The following FIG4 variants were observed in gnomAD, a reference collection of about 807,000 sequenced individuals.
FIG4 encodes FIG4 phosphoinositide 5-phosphatase.
Under a neutral mutation model 118.6 loss-of-function variants are expected in FIG4, and 112 were observed. The ratio of observed to expected loss-of-function variants is 0.94; its 90% CI spans 0.81 to 1.11. The LOEUF is 1.11. FIG4 is among the 50% of genes least tolerant of loss of function. The probability of loss-of-function intolerance (pLI) is 0.00; values close to 1 mark genes in which losing one functional copy is unlikely to be tolerated. For missense variants in FIG4, 969 were observed against 1,111.7 expected, an observed-to-expected ratio of 0.87 and a Z score of 1.83; for synonymous variants, 369 against 381.2, an observed-to-expected ratio of 0.97 and a Z score of 0.37.
chr6:109,796,822 TTC>T lies in FIG4; in HGVS notation c.2519_2520del (p.Ser840Ter), dbSNP rs1242743157. 5 of 1,609,066 alleles carry T rather than the reference TTC, an allele frequency of 3.1e-6. No homozygotes were observed. Among genetic ancestry groups the T allele is most frequent in the Non-Finnish European group, 4.3e-6 (5 of 1,175,452 alleles). On this transcript the variant is annotated frameshift_variant, in exon 22 of 23. Coordinates refer to ENST00000230124, the MANE Select transcript of FIG4 (RefSeq NM_014845.6). LOFTEE classifies it high-confidence loss of function. The stretch of plus-strand genomic sequence containing the variant: ...AAGACAAGAATAGCCAGCAGCCCTG[TTC>T]TAGGTGCTCAGATGGAGTTATAAAA... ...KQDKNSQQPC[S>X]RCSDGVIKLT...
intron 1 of FIG4, among the ~76,000 whole-genome samples, chr6:109,711,477 A>G (rs1775259316): frequency 6.6e-6 from 1 of 152,136 alleles, no homozygotes; most frequent in Non-Finnish European, 1.5e-5. Flanking sequence ...TAGGATAGTT[A>G]TATCTTCTTG....
intron 22 of FIG4, among the ~76,000 whole-genome samples, chr6:109,810,171 T>G (rs1006245880): frequency 6.6e-6 from 1 of 152,182 alleles, no homozygotes; most frequent in Middle Eastern, 3.2e-3. Flanking sequence ...ATGTATGGGC[T>G]GATGGTGATT....
chr6:109,813,175 A>G (rs1434102828), intron 22 of FIG4, among the ~76,000 whole-genome samples: 1 of 152,170 alleles, frequency 6.6e-6, no homozygotes, highest in African/African-American at 2.4e-5. Context: ...AAGCTTATCT[A>G]AAAGTTACCA....
intron 5 of FIG4, among the ~76,000 whole-genome samples, chr6:109,734,631 C>G (rs970838350): frequency 2.0e-5 from 3 of 151,928 alleles, no homozygotes; most frequent in African/African-American, 7.2e-5. Flanking sequence ...ATGCCTTTTA[C>G]TCTTCTAAAA....
At chr6:109,799,970 G>A (rs975947688) in intron 22 of FIG4, among the ~76,000 whole-genome samples, 1 of 152,092 alleles carries the variant, frequency 6.6e-6, no homozygotes, top group Non-Finnish European at 1.5e-5. Context: ...AACATTGACC[G>A]AACACACTGT....
chr6:109,783,852 A>G (rs1041549353), intron 16 of FIG4, among the ~76,000 whole-genome samples: 2 of 152,230 alleles, frequency 1.3e-5, no homozygotes, highest in Non-Finnish European at 2.9e-5. Flanking sequence ...ACTGCTGTAA[A>G]GCATAACTTC....
intron 10 of FIG4, among the ~76,000 whole-genome samples, chr6:109,753,713 T>C (rs1407828319): frequency 6.6e-6 from 1 of 152,104 alleles, no homozygotes. Flanking sequence ...CAATTGTGAA[T>C]GGGAGTTCAC....
chr6:109,721,055 A>G (rs1583647946), intron 3 of FIG4, among the ~76,000 whole-genome samples: 5 of 152,300 alleles, frequency 3.3e-5, no homozygotes, highest in Middle Eastern at 3.4e-3. Context: ...TTTTTCTGCC[A>G]CTGTCGTCTG....
intron 22 of FIG4, among the ~76,000 whole-genome samples, chr6:109,798,176 G>C (rs1336037564): frequency 6.6e-6 from 1 of 152,144 alleles, no homozygotes; most frequent in Non-Finnish European, 1.5e-5. Flanking sequence ...TACAGCAAAA[G>C]CCTTTTAGAG....
At chr6:109,821,488 A>G (rs1156378307) in intron 22 of FIG4, among the ~76,000 whole-genome samples, 1 of 152,260 alleles carries the variant, frequency 6.6e-6, no homozygotes, top group African/African-American at 2.4e-5. Context: ...AGGTTAAAAC[A>G]GAAACATACT....
chr6:109,696,353 T>C (rs534418645), intron 1 of FIG4, among the ~76,000 whole-genome samples: 32 of 152,350 alleles, frequency 2.1e-4, no homozygotes, highest in Admixed American at 1.8e-3. Context: ...AGCTTTTTTA[T>C]AATACGCATT....
chr6:109,762,326 C>T (rs1777136982), intron 12 of FIG4, 119 bp downstream of exon 12: 1 of 705,224 alleles, frequency 1.4e-6, no homozygotes, highest in South Asian at 1.5e-5. Context: ...GGGAGGCACA[C>T]TGCTCACATG....
At chr6:109,796,021 A>G (rs1228093337) in intron 21 of FIG4, among the ~76,000 whole-genome samples, 2 of 152,214 alleles carry the variant, frequency 1.3e-5, no homozygotes, top group African/African-American at 4.8e-5. Flanking sequence ...TCCAGCAGAT[A>G]TGCACTCCAG....
chr6:109,790,202 T>C (rs1778099457), intron 19 of FIG4, among the ~76,000 whole-genome samples: 2 of 152,322 alleles, frequency 1.3e-5, no homozygotes, highest in Middle Eastern at 3.4e-3. Context: ...TCCCTTCCAC[T>C]GACCTGCCTA....
At chr6:109,766,939 G>A in intron 15 of FIG4, 44 bp downstream of exon 15, 2 of 1,533,150 alleles carry the variant, frequency 1.3e-6, no homozygotes, top group East Asian at 2.2e-5. Flanking sequence ...ACTCTGAAGT[G>A]CATTTTTTGT....
Position 109,722,348 on chromosome 6 carries a change from CT to C in FIG4, c.290-4758del, listed in dbSNP as rs1775637081. Among the ~76,000 whole-genome samples the C allele has an allele frequency of 3.3e-5, 5 of 152,056 alleles. No individual in the cohort carries two copies. In the South Asian group the frequency reaches 1.0e-3, roughly 31 times the overall value. ...ATGGCCGATAAGATTCTTGAGGCAT[CT>C]TTCCATTATAGATTTCAGCTCATTC... On this transcript the variant is annotated intron_variant, in intron 3 of 22. Coordinates refer to ENST00000230124, the MANE Select transcript of FIG4 (RefSeq NM_014845.6).
At position 109,792,662 on chromosome 6, in the gene FIG4, A is replaced by T; in HGVS notation, c.2457A>T (p.Ser819=). The T allele has an allele frequency of 6.6e-7, 1 of 1,520,856 alleles. No individual in the cohort carries two copies. Among genetic ancestry groups the T allele is most frequent in the Non-Finnish European group, 9.1e-7 (1 of 1,095,604 alleles). The allele number at this position is 1,520,856 out of a possible 1,614,324, so 94.2% of individuals were successfully genotyped here. A position where few individuals can be genotyped will look rare whatever the true frequency, so the allele number is the denominator to read the frequency against. Residue 819 remains serine (S), a splice_region_variant and synonymous_variant, in exon 21 of 23, where the codon TCA becomes TCT. Coordinates refer to ENST00000230124, the MANE Select transcript of FIG4 (RefSeq NM_014845.6). The part of the protein sequence containing the change: ...GLSEEDFSIY[S]RFVQLGQSQH... ...CAGAAGAAGATTTCTCCATTTATTCAAGGTGAGATACTTTCATGTAGATAT... is the reference window on the plus strand; with the variant it reads ...CAGAAGAAGATTTCTCCATTTATTCTAGGTGAGATACTTTCATGTAGATAT...
intron 6 of FIG4, among the ~76,000 whole-genome samples, 198 bp from the exon 7 acceptor site, chr6:109,738,127 G>A (rs1776213624): frequency 6.6e-6 from 1 of 152,066 alleles, no homozygotes; most frequent in Non-Finnish European, 1.5e-5. Flanking sequence ...ACAATGTTCT[G>A]GACATGAAAG....
intron 22 of FIG4, among the ~76,000 whole-genome samples, chr6:109,816,636 CT>C (rs1373911447): frequency 1.3e-5 from 2 of 152,208 alleles, no homozygotes; most frequent in Non-Finnish European, 2.9e-5. Flanking sequence ...TCCTTGTTGC[CT>C]GTGGCTCACA....
Sources: allele counts gnomAD v4.1 joint callset (sites outside exome capture counted in the v4.1 genomes callset), GRCh38; gene constraint gnomAD v4.1.1; transcripts MANE v1.5; gene names NCBI Gene and HGNC (gene_info 2026-07-23, HGNC 2026-07-21).